Variants in ASMTL observed in about 807,000 individuals in gnomAD.
ASMTL encodes the protein probable bifunctional dTTP/UTP pyrophosphatase/methyltransferase protein.
Under a neutral mutation model 60.3 loss-of-function variants are expected in ASMTL, and 57 were observed. The ratio of observed to expected loss-of-function variants is 0.95; its 90% CI spans 0.76 to 1.18. The LOEUF is 1.18. Among genes scored for constraint, ASMTL ranks in the 50% most tolerant of loss-of-function variants. The pLI is 0.00. For synonymous variants in ASMTL, 419 were observed against 373.0 expected (o/e 1.12, Z -1.42); for missense variants, 981 against 852.6 (o/e 1.15, Z -1.88).
At chrX:1,450,080 C>A (rs1465755598) in intron 1 of ASMTL, among the ~76,000 whole-genome samples, 66 of 149,662 alleles carry the variant, frequency 4.4e-4, no homozygotes, top group Non-Finnish European at 7.2e-4. Flanking sequence ...AACTATGCCC[C>A]CATCACCAGT....
intron 11 of ASMTL, among the ~76,000 whole-genome samples, chrX:1,417,463 A>G (rs2090330761): frequency 6.6e-6 from 1 of 151,430 alleles, no homozygotes; most frequent in Non-Finnish European, 1.5e-5. Context: ...ACAGACGTGC[A>G]CACACAGTTA....
At chrX:1,436,261 C>G (rs1229602346) in intron 3 of ASMTL, among the ~76,000 whole-genome samples, 12 of 152,212 alleles carry the variant, frequency 7.9e-5, no homozygotes, top group Non-Finnish European at 2.9e-5. Flanking sequence ...GCAACCTCCG[C>G]CTCCGGGGTT....
chrX:1,417,240 TCA>T (rs1487409005), intron 11 of ASMTL, among the ~76,000 whole-genome samples: 1 of 142,750 alleles, frequency 7.0e-6, no homozygotes, highest in Non-Finnish European at 1.5e-5. Flanking sequence ...ACCACAGCAG[TCA>T]CATACACACA....
At chrX:1,444,452 G>T (rs1305210187) in intron 1 of ASMTL, among the ~76,000 whole-genome samples, 9 of 151,986 alleles carry the variant, frequency 5.9e-5, no homozygotes, top group African/African-American at 1.7e-4. Context: ...CAGGTGATCC[G>T]CCCGCCTCGG....
At chrX:1,411,713 T>C (rs1340290223) in intron 12 of ASMTL, among the ~76,000 whole-genome samples, 1 of 120,846 alleles carries the variant, frequency 8.3e-6, no homozygotes, top group Non-Finnish European at 1.7e-5. Flanking sequence ...CTCTGCAGCC[T>C]CCTCAGTGTG....
upstream of ASMTL, among the ~76,000 whole-genome samples, chrX:1,453,313 C>CG (rs1569535432): frequency 1.9e-4 from 28 of 150,674 alleles, no homozygotes; most frequent in East Asian, 5.2e-3. Flanking sequence ...CATTGAGCTC[C>CG]CCGTGAGGCC....
In ASMTL at chrX:1,435,048, A is replaced by G; in HGVS notation, c.374T>C (p.Val125Ala). Reference sequence around the variant, plus strand: ...TTTGCTGGAGCAGTGGACGATCGCGACACCTGTGAACACGCTGTGTTCTCT... The same window carrying G: ...TTTGCTGGAGCAGTGGACGATCGCGGCACCTGTGAACACGCTGTGTTCTCT... ...SGREHSVFTG[V>A]AIVHCSSKDH... Residue 125 changes from valine (V) to alanine (A), a missense_variant, in exon 5 of 13, where the codon GTC (valine) becomes GCC (alanine). Val to Ala is a moderately conservative substitution (Grantham distance 64, BLOSUM62 0). Transcript: ENST00000381317. The G allele has an allele frequency of 6.2e-7, 1 of 1,609,628 alleles. No homozygotes were observed. Among genetic ancestry groups the G allele is most frequent in the Non-Finnish European group, 8.5e-7 (1 of 1,177,068 alleles).
intron 11 of ASMTL, among the ~76,000 whole-genome samples, chrX:1,417,083 A>C (rs1304430961): frequency 6.6e-6 from 1 of 151,750 alleles, no homozygotes; most frequent in Non-Finnish European, 1.5e-5. Flanking sequence ...CACACCATGC[A>C]CATAGATGCA....
At chrX:1,420,068 C>G (rs1444660866) in intron 9 of ASMTL, among the ~76,000 whole-genome samples, 1 of 151,750 alleles carries the variant, frequency 6.6e-6, no homozygotes, top group Non-Finnish European at 1.5e-5. Context: ...GTTTCTGTCT[C>G]TATCTGCCTC....
chrX:1,414,881 C>T (rs1335408312), intron 11 of ASMTL, among the ~76,000 whole-genome samples: 8 of 152,106 alleles, frequency 5.3e-5, no homozygotes, highest in African/African-American at 1.9e-4. Flanking sequence ...GCACCTGTGC[C>T]CACAGGCCTG....
chrX:1,451,176 AGGGGGT>A (rs1186815298), intron 1 of ASMTL, among the ~76,000 whole-genome samples: 9 of 2,538 alleles, frequency 3.5e-3, no homozygotes. Flanking sequence ...CCCCATCCCT[AGGGGGT>A]CCTGGGACAC....
At chrX:1,451,727 CT>C (rs1413244040) in intron 1 of ASMTL, among the ~76,000 whole-genome samples, 6 of 148,134 alleles carry the variant, frequency 4.1e-5, no homozygotes, top group East Asian at 2.1e-4. Context: ...CCGGGTTACT[CT>C]CCCCACCCCC....
intron 3 of ASMTL, 135 bp downstream of exon 3, chrX:1,438,962 G>C: frequency 1.0e-6 from 1 of 990,968 alleles, no homozygotes. Context: ...TCTGCTGGTA[G>C]TTTGTGATGG....
At position 1,403,194 on chromosome X, in the gene ASMTL, A is replaced by G. The variant is rs2089658856; in HGVS notation, c.*75T>C. On this transcript the variant is annotated 3_prime_UTR_variant, in exon 13 of 13. Coordinates refer to ENST00000381317, the MANE Select transcript of ASMTL (RefSeq NM_004192.4). ...CTACACGCTCCTATGTGACTGTCCT[A>G]TGGTACTTGGGGACCGGGCGGTCCA... 1 of 1,230,636 alleles carries G rather than the reference A, an allele frequency of 8.1e-7. No individual in the cohort carries two copies. Among genetic ancestry groups the G allele is most frequent in the Non-Finnish European group, 1.2e-6 (1 of 840,434 alleles). The allele number at this position is 1,230,636 out of a possible 1,614,324, so 76.2% of individuals were successfully genotyped here.
intron 8 of ASMTL, among the ~76,000 whole-genome samples, chrX:1,424,566 G>A (rs867012875): frequency 1.1e-4 from 13 of 123,810 alleles, no homozygotes; most frequent in South Asian, 2.9e-4. Flanking sequence ...CCATCTGTCC[G>A]TCCATCCATC....
At chrX:1,436,953 T>C (rs2090982305) in intron 3 of ASMTL, among the ~76,000 whole-genome samples, 1 of 152,226 alleles carries the variant, frequency 6.6e-6, no homozygotes, top group Admixed American at 6.5e-5. Flanking sequence ...AAGGGCGAGA[T>C]CCAGGTGTGG....
chrX:1,448,089 A>G (rs1346877247), intron 1 of ASMTL, among the ~76,000 whole-genome samples: 1 of 98,926 alleles, frequency 1.0e-5, no homozygotes, highest in Non-Finnish European at 2.1e-5. Flanking sequence ...GGACACACAC[A>G]GCCATCTTGG....
chrX:1,435,310 G>C, intron 4 of ASMTL: 2 of 630,310 alleles, frequency 3.2e-6, no homozygotes. Context: ...GGAGGCGCCA[G>C]GCCAGGCAGC....
rs780323305 is a variant in ASMTL at position 1,452,881 on chromosome X, C to G, written c.-41G>C. The G allele has an allele frequency of 1.7e-5, 25 of 1,429,942 alleles. No individual in the cohort carries two copies. The Admixed American group carries it at 4.3e-4, about 24-fold the overall frequency. 88.6% of individuals were successfully genotyped at this position (1,429,942 alleles called of 1,614,324 possible). On this transcript the variant is annotated 5_prime_UTR_variant, in exon 1 of 13. Coordinates refer to ENST00000381317, the MANE Select transcript of ASMTL (RefSeq NM_004192.4). Reference sequence around the variant, plus strand: ...AGCCGGGCGTCCGCACTTCTGAGCCCGGAGCCCGCGGTGCGCGCAGCGCGG... The same window carrying G: ...AGCCGGGCGTCCGCACTTCTGAGCCGGGAGCCCGCGGTGCGCGCAGCGCGG...
Sources: gnomAD v4.1 joint callset for allele counts (sites outside exome capture counted in the v4.1 genomes callset) on GRCh38, gnomAD v4.1.1 for gene constraint, MANE v1.5 for transcripts, NCBI Gene and HGNC (gene_info 2026-07-23, HGNC 2026-07-21) for gene names.